The following SNX29 variants were observed in gnomAD, a reference collection of about 807,000 sequenced individuals.
The protein encoded by SNX29 is sorting nexin-29.
A neutral mutation model predicts 102.1 loss-of-function variants in SNX29; 78 were observed. That is an observed-to-expected ratio of 0.76 (90% CI 0.64 to 0.92). SNX29 has a LOEUF of 0.92. Ranked by LOEUF, SNX29 falls within the 40% of genes least tolerant of loss-of-function variation. SNX29 has a pLI of 0.00. For missense variants in SNX29, 1,280 were observed against 1,061.7 expected, an observed-to-expected ratio of 1.21 and a Z score of -2.86; for synonymous variants, 580 against 414.5, an observed-to-expected ratio of 1.40 and a Z score of -4.85.
intron 13 of SNX29, among the ~76,000 whole-genome samples, chr16:12,187,666 G>A (rs182428373): frequency 1.5e-4 from 23 of 151,826 alleles, no homozygotes; most frequent in African/African-American, 5.6e-4. Flanking sequence ...TCTCTTGCCT[G>A]TTCTCCCCCC....
chr16:12,103,387 C>T (rs2053099057), intron 11 of SNX29, among the ~76,000 whole-genome samples: 1 of 152,128 alleles, frequency 6.6e-6, no homozygotes, highest in Admixed American at 6.5e-5. Context: ...ACAGAGGCCT[C>T]AGAAATAATG....
intron 20 of SNX29, among the ~76,000 whole-genome samples, chr16:12,542,029 C>CT (rs993726374): frequency 2.0e-5 from 3 of 152,058 alleles, no homozygotes; most frequent in Non-Finnish European, 2.9e-5. Context: ...TCTGTTTTTT[C>CT]TTTTTTTAAT....
intron 18 of SNX29, among the ~76,000 whole-genome samples, chr16:12,476,405 T>TAC (rs2087627907): frequency 2.4e-4 from 5 of 21,156 alleles, no homozygotes; most frequent in Non-Finnish European, 3.2e-4. Flanking sequence ...TATATATATA[T>TAC]ATATATACAT....
Position 12,225,442 on chromosome 16 carries a change from G to A in SNX29, c.1678+25759G>A, listed in dbSNP as rs778054984. ...ATGGTGAATAAGTCTCATGAGATCT[G>A]ATGGCTTTAAAAACGGGACTTTCCC... On this transcript the variant is annotated intron_variant, in intron 14 of 20. Transcript: ENST00000566228. Among the ~76,000 whole-genome samples, 8 of 152,166 alleles carry A rather than the reference G, an allele frequency of 5.3e-5. 1 individual carries two copies. The highest frequency in any genetic ancestry group is 2.0e-4 in the Admixed American group (3 of 15,284).
At chr16:12,180,537 G>A (rs563562961) in intron 13 of SNX29, among the ~76,000 whole-genome samples, 1 of 150,790 alleles carries the variant, frequency 6.6e-6, no homozygotes, top group East Asian at 1.9e-4. Flanking sequence ...AGGCTGGAGT[G>A]CAGTGGCGCG....
At chr16:12,463,131 C>T (rs1186078757) in intron 18 of SNX29, among the ~76,000 whole-genome samples, 1 of 152,226 alleles carries the variant, frequency 6.6e-6, no homozygotes, top group Non-Finnish European at 1.5e-5. Flanking sequence ...GGCTCCTGGG[C>T]ACTGCTGCCC....
intron 14 of SNX29, among the ~76,000 whole-genome samples, chr16:12,251,673 A>C (rs780529447): frequency 6.6e-6 from 1 of 152,208 alleles, no homozygotes; most frequent in Admixed American, 6.5e-5. Context: ...ATTGCACTCC[A>C]GCCTGGGCAA....
chr16:12,338,210 C>G (rs1375372944), intron 15 of SNX29, among the ~76,000 whole-genome samples: 1 of 152,202 alleles, frequency 6.6e-6, no homozygotes, highest in Non-Finnish European at 1.5e-5. Context: ...GAAACCACGG[C>G]TTTTGTTTTC....
At chr16:12,432,898 T>A (rs888069521) in intron 18 of SNX29, among the ~76,000 whole-genome samples, 1 of 152,254 alleles carries the variant, frequency 6.6e-6, no homozygotes, top group Non-Finnish European at 1.5e-5. Flanking sequence ...ATGTGTTGAC[T>A]GTGCATTGGT....
intron 13 of SNX29, among the ~76,000 whole-genome samples, chr16:12,142,706 G>A (rs2054909120): frequency 6.6e-6 from 1 of 151,850 alleles, no homozygotes; most frequent in Non-Finnish European, 1.5e-5. Flanking sequence ...TGGGATTACA[G>A]GCGCCTGCCA....
intron 10 of SNX29, among the ~76,000 whole-genome samples, chr16:12,069,979 T>A (rs953416086): frequency 6.6e-6 from 1 of 152,222 alleles, no homozygotes; most frequent in African/African-American, 2.4e-5. Flanking sequence ...GCCTGTTATT[T>A]TCTTAATTTA....
At chr16:12,200,951 T>C (rs1039485173) in intron 14 of SNX29, among the ~76,000 whole-genome samples, 1 of 152,232 alleles carries the variant, frequency 6.6e-6, no homozygotes, top group Non-Finnish European at 1.5e-5. Flanking sequence ...GTATGGTACC[T>C]GGCATATAAT....
At chr16:12,363,768 T>G (rs2082372819) in intron 16 of SNX29, among the ~76,000 whole-genome samples, 1 of 152,152 alleles carries the variant, frequency 6.6e-6, no homozygotes, top group Non-Finnish European at 1.5e-5. Context: ...GCAGGTTGAG[T>G]AGCTCTTTTC....
intron 15 of SNX29, among the ~76,000 whole-genome samples, chr16:12,340,437 C>T (rs1424680083): frequency 6.6e-6 from 1 of 152,198 alleles, no homozygotes. Context: ...TGTTTGTTCC[C>T]TGTTGTATCC....
At chr16:12,502,349 T>C (rs1310292646) in intron 19 of SNX29, among the ~76,000 whole-genome samples, 1 of 152,186 alleles carries the variant, frequency 6.6e-6, no homozygotes, top group African/African-American at 2.4e-5. Flanking sequence ...GGCATCTCCC[T>C]TACGAGGGCG....
At chr16:12,567,422 C>T (rs950898043) in intron 20 of SNX29, among the ~76,000 whole-genome samples, 6 of 152,190 alleles carry the variant, frequency 3.9e-5, no homozygotes, top group South Asian at 2.1e-4. Flanking sequence ...GTATAGTAGG[C>T]AGAGTAAGAA....
At chr16:12,350,371 G>C (rs1483388279) in intron 15 of SNX29, among the ~76,000 whole-genome samples, 1 of 152,148 alleles carries the variant, frequency 6.6e-6, no homozygotes, top group Non-Finnish European at 1.5e-5. Flanking sequence ...AAGTAATTTA[G>C]AGATGATTTA....
chr16:12,570,880 A>G lies in SNX29; in HGVS notation c.*2251A>G, dbSNP rs150912062. The G allele has an allele frequency of 4.6e-4, 107 of 231,636 alleles. 1 individual carries two copies. Among genetic ancestry groups the G allele is most frequent in the African/African-American group, 2.1e-3 (95 of 45,298 alleles). 14.3% of individuals were successfully genotyped at this position (231,636 alleles called of 1,614,324 possible). On this transcript the variant is annotated 3_prime_UTR_variant, in exon 21 of 21. Transcript: ENST00000566228. ...AGAAACTGCCTCCTACTTTTATAAT[A>G]CTGAATTATTCACAAAAAACCTGGT...
intron 16 of SNX29, among the ~76,000 whole-genome samples, chr16:12,363,796 C>G (rs1452149317): frequency 1.3e-5 from 2 of 152,122 alleles, no homozygotes; most frequent in African/African-American, 4.8e-5. Context: ...CTTGGGACCA[C>G]AAGTGTTTCA....
Sources: allele counts gnomAD v4.1 joint callset (sites outside exome capture counted in the v4.1 genomes callset), GRCh38; gene constraint gnomAD v4.1.1; transcripts MANE v1.5; gene names NCBI Gene and HGNC (gene_info 2026-07-23, HGNC 2026-07-21).